The following FOXJ3 variants were observed in gnomAD, a reference collection of about 807,000 sequenced individuals.
The protein encoded by FOXJ3 is forkhead box J3, also known as forkhead box protein J3.
FOXJ3 carries 22 observed loss-of-function variants against 76.1 expected under a neutral mutation model. That is an observed-to-expected ratio of 0.29 (90% CI 0.21 to 0.41). The LOEUF is 0.41. Among genes scored for constraint, FOXJ3 ranks in the 10% least tolerant of loss-of-function variants. The pLI is 1.00. For missense variants in FOXJ3, 613 were observed against 762.1 expected (o/e 0.80, Z 2.30); for synonymous variants, 269 against 261.2 (o/e 1.03, Z -0.29).
chr1:42,329,290 C>T (rs559987646), intron 1 of FOXJ3, among the ~76,000 whole-genome samples: 2 of 152,302 alleles, frequency 1.3e-5, no homozygotes, highest in African/African-American at 4.8e-5. Context: ...ATAACAAATT[C>T]TATTAAATCA....
chr1:42,196,062 C>A (rs751130595), intron 7 of FOXJ3, among the ~76,000 whole-genome samples: 2 of 152,222 alleles, frequency 1.3e-5, no homozygotes, highest in African/African-American at 2.4e-5. Flanking sequence ...CTGAGTGAGG[C>A]ATGGGACTTT....
chr1:42,259,074 C>T (rs1650832436), intron 4 of FOXJ3, among the ~76,000 whole-genome samples: 1 of 152,100 alleles, frequency 6.6e-6, no homozygotes, highest in African/African-American at 2.4e-5. Context: ...TGAAATGAAA[C>T]AAAACTGCTG....
chr1:42,196,376 C>G (rs1396778751), intron 7 of FOXJ3, among the ~76,000 whole-genome samples: 1 of 152,178 alleles, frequency 6.6e-6, no homozygotes, highest in African/African-American at 2.4e-5. Flanking sequence ...ACCGCTCGAC[C>G]ATTTGACACC....
intron 1 of FOXJ3, among the ~76,000 whole-genome samples, chr1:42,320,266 C>T (rs1234546847): frequency 6.6e-6 from 1 of 152,150 alleles, no homozygotes. Context: ...TTCTTCCAAA[C>T]CCCAAACCTT....
At position 42,264,832 on chromosome 1, in the gene FOXJ3, T is replaced by C. The variant is rs1651345298; in HGVS notation, c.444+283A>G. The stretch of plus-strand genomic sequence containing the variant: ...ACCCCTTATATGTAATAATGAATTA[T>C]GGTTCCTGACAAGCAGCTCAATCAC... On this transcript the variant is annotated intron_variant, in intron 4 of 12. Coordinates refer to ENST00000361346, the MANE Select transcript of FOXJ3 (RefSeq NM_014947.5). 7 of 341,456 alleles carry C rather than the reference T, an allele frequency of 2.1e-5. No homozygotes were observed. In the South Asian group the frequency reaches 2.7e-4, roughly 13 times the overall value. The allele number at this position is 341,456 out of a possible 1,614,324, so 21.2% of individuals were successfully genotyped here.
chr1:42,231,423 T>C (rs1467177511), intron 4 of FOXJ3, among the ~76,000 whole-genome samples: 3 of 152,142 alleles, frequency 2.0e-5, no homozygotes, highest in African/African-American at 4.8e-5. Context: ...TTATAAGTAC[T>C]AAAATTCTTA....
At chr1:42,257,184 G>A (rs375109832) in intron 4 of FOXJ3, among the ~76,000 whole-genome samples, 31 of 152,222 alleles carry the variant, frequency 2.0e-4, no homozygotes, top group South Asian at 2.1e-4. Context: ...CCTTTCTGAC[G>A]GAAAAGACTG....
chr1:42,185,142 T>C (rs1466502597), intron 11 of FOXJ3, among the ~76,000 whole-genome samples: 3 of 152,070 alleles, frequency 2.0e-5, no homozygotes, highest in African/African-American at 7.3e-5. Flanking sequence ...AGCTTAAATA[T>C]GCTGTCTTCT....
chr1:42,248,927 C>T lies in FOXJ3; in HGVS notation c.444+16188G>A, dbSNP rs146258552. Among the ~76,000 whole-genome samples, 107 of 151,996 alleles carry T rather than the reference C, an allele frequency of 7.0e-4. 1 individual carries two copies. The East Asian group carries it at 0.016, about 23-fold the overall frequency. On this transcript the variant is annotated intron_variant, in intron 4 of 12. Coordinates refer to ENST00000361346, the MANE Select transcript of FOXJ3 (RefSeq NM_014947.5). The stretch of plus-strand genomic sequence containing the variant: ...GCTGCCCCCGCAACCCAATAGGCCC[C>T]GGTGTGTGTTGTCCCCCTCCCTGTG...
chr1:42,329,625 G>A (rs548850596), intron 1 of FOXJ3, among the ~76,000 whole-genome samples: 15 of 152,314 alleles, frequency 9.8e-5, no homozygotes, highest in African/African-American at 3.6e-4. Flanking sequence ...TGGCAATGTG[G>A]AAAGCTAAGT....
rs1486610172 is a variant in FOXJ3, at chr1:42,176,704, T to C, written c.*3006A>G. 1.3e-5 allele frequency: 2 copies of C among 152,542 alleles called. No homozygotes were observed. The highest frequency in any genetic ancestry group is 2.9e-5 in the Non-Finnish European group (2 of 68,026). The allele number at this position is 152,542 out of a possible 1,614,324, so 9.4% of individuals were successfully genotyped here. Reference sequence around the variant, plus strand: ...AGAGGCAAAATATGAAATCGTGCAATAGCAAAACTGTAGAAACATTAAAAC... The same window carrying C: ...AGAGGCAAAATATGAAATCGTGCAACAGCAAAACTGTAGAAACATTAAAAC... On this transcript the variant is annotated 3_prime_UTR_variant, in exon 13 of 13. Transcript: ENST00000361346.
Position 42,307,801 on chromosome 1 carries a change from T to C in FOXJ3, c.44+3249A>G, listed in dbSNP as rs1157977038. ...TTTCTAATTCACATATAATATCTAC[T>C]GGTATAAAAAAGGCAAGTTCTGTCT... On this transcript the variant is annotated intron_variant, in intron 2 of 12. Coordinates refer to ENST00000361346, the MANE Select transcript of FOXJ3 (RefSeq NM_014947.5). Among the ~76,000 whole-genome samples, 5 of 152,200 alleles carry C rather than the reference T, an allele frequency of 3.3e-5. No individual in the cohort carries two copies. In the South Asian group the frequency reaches 6.2e-4, roughly 19 times the overall value.
intron 5 of FOXJ3, among the ~76,000 whole-genome samples, chr1:42,227,382 G>A (rs1345143834): frequency 6.6e-6 from 1 of 152,146 alleles, no homozygotes; most frequent in Non-Finnish European, 1.5e-5. Flanking sequence ...TTTCACTCTT[G>A]CAAATTAATT....
At chr1:42,214,439 A>C (rs916400098) in intron 5 of FOXJ3, among the ~76,000 whole-genome samples, 6 of 152,194 alleles carry the variant, frequency 3.9e-5, no homozygotes, top group Admixed American at 6.5e-5. Context: ...CGATGAATCT[A>C]ATCTGGTGGC....
At chr1:42,194,123 G>A (rs1389127508) in intron 8 of FOXJ3, among the ~76,000 whole-genome samples, 1 of 152,162 alleles carries the variant, frequency 6.6e-6, no homozygotes, top group Non-Finnish European at 1.5e-5. Flanking sequence ...TGACACAGCA[G>A]CAGGAAAGGA....
chr1:42,179,877 G>A (rs747328179), intron 12 of FOXJ3, 52 bp from the exon 13 acceptor site: 4 of 1,119,748 alleles, frequency 3.6e-6, no homozygotes, highest in East Asian at 4.7e-5. Context: ...AAGAAAGTAA[G>A]AAATAAACTA....
At position 42,335,121 on chromosome 1, in the gene FOXJ3, C is replaced by G. The variant is rs1167970284; in HGVS notation, c.-80G>C. On this transcript the variant is annotated 5_prime_UTR_variant, in exon 1 of 13. Transcript: ENST00000361346. ...CCGGCCGCTCCGTGCGTCTCCGCCC[C>G]CCCGGGAAAGGTCCCAACGGTGCCT... 1 of 152,282 alleles carries G rather than the reference C, an allele frequency of 6.6e-6. No homozygotes were observed. The highest frequency in any genetic ancestry group is 6.5e-5 in the Admixed American group (1 of 15,274). 9.4% of individuals were successfully genotyped at this position (152,282 alleles called of 1,614,324 possible).
chr1:42,222,284 C>G (rs1647242700), intron 5 of FOXJ3, among the ~76,000 whole-genome samples: 1 of 151,930 alleles, frequency 6.6e-6, no homozygotes, highest in Non-Finnish European at 1.5e-5. Flanking sequence ...ATTAACGTCA[C>G]TTCTTCAAGA....
intron 11 of FOXJ3, among the ~76,000 whole-genome samples, chr1:42,184,402 C>T (rs532248846): frequency 1.1e-3 from 164 of 152,208 alleles, no homozygotes; most frequent in Non-Finnish European, 1.9e-3. Flanking sequence ...ACATAAAAGT[C>T]TTAACTTTCT....
Sources: allele counts gnomAD v4.1 joint callset (sites outside exome capture counted in the v4.1 genomes callset), GRCh38; gene constraint gnomAD v4.1.1; transcripts MANE v1.5; gene names NCBI Gene and HGNC (gene_info 2026-07-23, HGNC 2026-07-21).